The following STMN2 variants were observed in gnomAD, a reference collection of about 807,000 sequenced individuals.
STMN2 encodes the protein stathmin 2, also known as stathmin-2.
Under a neutral mutation model 24.1 loss-of-function variants are expected in STMN2, and 2 were observed. That is an observed-to-expected ratio of 0.08 (90% CI 0.03 to 0.26). STMN2 has a LOEUF of 0.26. Ranked by LOEUF, STMN2 falls within the 10% of genes least tolerant of loss-of-function variation. The pLI is 1.00. For synonymous variants in STMN2, 83 were observed against 77.5 expected (o/e 1.07, Z -0.37); for missense variants, 114 against 213.6 (o/e 0.53, Z 2.91).
chr8:79,616,893 G>A (rs976424506), intron 1 of STMN2, among the ~76,000 whole-genome samples: 1 of 152,194 alleles, frequency 6.6e-6, no homozygotes, highest in Non-Finnish European at 1.5e-5. Context: ...ATGTGTGCGT[G>A]TGTGCGAGAG....
chr8:79,646,284 A>C (rs963632592), intron 3 of STMN2, among the ~76,000 whole-genome samples: 15 of 152,114 alleles, frequency 9.9e-5, no homozygotes, highest in Admixed American at 2.0e-4. Context: ...GACACAGGGG[A>C]TACTCATCAA....
At chr8:79,613,887 C>A in intron 1 of STMN2, 2 of 938,312 alleles carry the variant, frequency 2.1e-6, no homozygotes, top group Non-Finnish European at 2.5e-6. Context: ...GGTTTGTGTG[C>A]CAACGATTGC....
At chr8:79,627,497 A>C (rs1364458192) in intron 1 of STMN2, among the ~76,000 whole-genome samples, 1 of 152,260 alleles carries the variant, frequency 6.6e-6, no homozygotes, top group East Asian at 1.9e-4. Flanking sequence ...AGGGAGTTCC[A>C]GATGGCATCC....
intron 2 of STMN2, among the ~76,000 whole-genome samples, chr8:79,639,811 C>A (rs972708702): frequency 6.6e-6 from 1 of 152,162 alleles, no homozygotes; most frequent in Non-Finnish European, 1.5e-5. Flanking sequence ...CCTCACACAC[C>A]TGTCATTTAT....
intron 3 of STMN2, among the ~76,000 whole-genome samples, chr8:79,644,203 A>G (rs1332313457): frequency 6.6e-6 from 1 of 152,252 alleles, no homozygotes; most frequent in Non-Finnish European, 1.5e-5. Flanking sequence ...AGTTAAAACA[A>G]AAAGCAAATA....
intron 1 of STMN2, among the ~76,000 whole-genome samples, chr8:79,630,449 A>G (rs564705308): frequency 6.6e-6 from 1 of 152,364 alleles, no homozygotes; most frequent in African/African-American, 2.4e-5. Flanking sequence ...GAGAAAAGCC[A>G]CACATTACAA....
At chr8:79,637,011 T>C in intron 2 of STMN2, 114 bp downstream of exon 2, 1 of 964,102 alleles carries the variant, frequency 1.0e-6, no homozygotes, top group South Asian at 1.5e-5. Context: ...TAGCTCTCAC[T>C]ATTGACTTGC....
chr8:79,611,705 CG>C (rs975930432), intron 1 of STMN2: 25 of 948,006 alleles, frequency 2.6e-5, no homozygotes, highest in Admixed American at 1.8e-4. Context: ...TGGGTGGAGA[CG>C]GGGGGAGGGG....
intron 3 of STMN2, among the ~76,000 whole-genome samples, chr8:79,650,435 A>G (rs1028378814): frequency 7.9e-5 from 12 of 152,168 alleles, no homozygotes; most frequent in African/African-American, 2.4e-5. Context: ...TGTATGTCAC[A>G]TGTTTTTTAT....
intron 1 of STMN2, among the ~76,000 whole-genome samples, chr8:79,621,407 G>A (rs1809512610): frequency 6.6e-6 from 1 of 152,194 alleles, no homozygotes; most frequent in South Asian, 2.1e-4. Flanking sequence ...ATCAAAAACT[G>A]CGTCATTTGC....
intron 3 of STMN2, among the ~76,000 whole-genome samples, chr8:79,644,941 G>T (rs926468756): frequency 5.3e-5 from 8 of 152,164 alleles, no homozygotes; most frequent in African/African-American, 1.9e-4. Context: ...GATCACCTGA[G>T]ATCAGGAGTT....
At chr8:79,623,243 G>T (rs1049235736) in intron 1 of STMN2, among the ~76,000 whole-genome samples, 1 of 152,266 alleles carries the variant, frequency 6.6e-6, no homozygotes, top group Non-Finnish European at 1.5e-5. Flanking sequence ...GGAAAGCAAC[G>T]CCTTTACAAT....
intron 1 of STMN2, chr8:79,613,683 T>C: frequency 1.0e-6 from 1 of 985,490 alleles, no homozygotes; most frequent in South Asian, 4.7e-5. Context: ...CGTGGATTGC[T>C]CTTGGTTAAG....
rs564185459 is a variant in STMN2, at chr8:79,643,090, TA to T, written c.288+1542del. ...TTGTATATATGCCATAATTATATAT[TA>T]ATATTGGTATATATACACCATGATT... On this transcript the variant is annotated intron_variant, in intron 3 of 4. Coordinates refer to ENST00000220876, the MANE Select transcript of STMN2 (RefSeq NM_007029.4). Among the ~76,000 whole-genome samples the T allele has an allele frequency of 6.6e-3, 978 of 147,550 alleles. 3 individuals are homozygous for T. The highest frequency in any genetic ancestry group is 9.0e-3 in the Non-Finnish European group (606 of 67,142).
chr8:79,622,853 A>C (rs1219080478), intron 1 of STMN2, among the ~76,000 whole-genome samples: 1 of 152,172 alleles, frequency 6.6e-6, no homozygotes, highest in East Asian at 1.9e-4. Flanking sequence ...ACACACGTAC[A>C]CGCACGCATG....
intron 4 of STMN2, among the ~76,000 whole-genome samples, chr8:79,655,582 G>A (rs868206212): frequency 3.3e-5 from 5 of 152,122 alleles, no homozygotes; most frequent in African/African-American, 9.7e-5. Flanking sequence ...TGGGACCATA[G>A]CAAAGATTAG....
intron 3 of STMN2, among the ~76,000 whole-genome samples, chr8:79,643,965 G>T (rs978183315): frequency 1.3e-5 from 2 of 150,648 alleles, no homozygotes; most frequent in African/African-American, 2.4e-5. Flanking sequence ...GTTTTTTATG[G>T]TTTTTTTTTG....
At position 79,655,018 on chromosome 8, in the gene STMN2, C is replaced by T; in HGVS notation, c.436C>T (p.Arg146Cys). ...ILKMEQIKEN[R>C]EANLAAIIER... is the part of the protein sequence containing the mutation. ...GAAAATGGAACAAATTAAGGAAAAC[C>T]GTGAGGCTAATCTAGCTGCTATTAT... Residue 146 changes from arginine to cysteine, a missense_variant, in exon 4 of 5, where the codon CGT (arginine) becomes TGT (cysteine). Physicochemically the swap from Arg to Cys is radical, Grantham distance 180. Coordinates refer to ENST00000220876, the MANE Select transcript of STMN2 (RefSeq NM_007029.4). 1 of 1,613,916 alleles carries T rather than the reference C, an allele frequency of 6.2e-7. No individual in the cohort carries two copies. The highest frequency in any genetic ancestry group is 8.5e-7 in the Non-Finnish European group (1 of 1,179,902).
intron 1 of STMN2, chr8:79,631,297 C>A: frequency 6.3e-6 from 2 of 315,562 alleles, no homozygotes; most frequent in Non-Finnish European, 4.6e-6. Flanking sequence ...ATGGGTTGTA[C>A]TGCTTTGACC....
Sources: allele counts gnomAD v4.1 joint callset (sites outside exome capture counted in the v4.1 genomes callset), GRCh38; gene constraint gnomAD v4.1.1; transcripts MANE v1.5; gene names NCBI Gene and HGNC (gene_info 2026-07-23, HGNC 2026-07-21).